Variants in GTF2F2 observed in about 807,000 individuals in gnomAD.
GTF2F2 encodes ATP-dependent helicase GTF2F2.
A neutral mutation model predicts 42.2 loss-of-function variants in GTF2F2; 23 were observed. That is an observed-to-expected ratio of 0.55 (90% CI 0.39 to 0.77). The LOEUF (loss-of-function observed/expected upper bound fraction) is 0.77, where lower values mean the gene tolerates loss of function less well. Ranked by LOEUF, GTF2F2 falls within the 30% of genes least tolerant of loss-of-function variation. The pLI, the probability that GTF2F2 is intolerant of heterozygous loss-of-function variation, is 0.00. For missense variants in GTF2F2, 261 were observed against 287.2 expected (o/e 0.91, Z 0.66); for synonymous variants, 105 against 100.8 (o/e 1.04, Z -0.25).
At chr13:45,178,910 GACT>G (rs1409445077) in intron 4 of GTF2F2, among the ~76,000 whole-genome samples, 1 of 152,174 alleles carries the variant, frequency 6.6e-6, no homozygotes, top group Non-Finnish European at 1.5e-5. Context: ...CAGTGTCCAG[GACT>G]GCTTCACTTA....
At chr13:45,221,301 C>T (rs1874103144) in intron 5 of GTF2F2, among the ~76,000 whole-genome samples, 1 of 152,138 alleles carries the variant, frequency 6.6e-6, no homozygotes, top group Non-Finnish European at 1.5e-5. Flanking sequence ...CAACACAATA[C>T]ACCCTGAATC....
At chr13:45,149,112 A>G (rs1372838196) in intron 2 of GTF2F2, among the ~76,000 whole-genome samples, 1 of 152,068 alleles carries the variant, frequency 6.6e-6, no homozygotes, top group Non-Finnish European at 1.5e-5. Flanking sequence ...ATGTATTAAC[A>G]TGCTACTGAA....
intron 2 of GTF2F2, among the ~76,000 whole-genome samples, chr13:45,140,681 GT>G (rs1056771106): frequency 1.3e-5 from 2 of 151,888 alleles, no homozygotes; most frequent in African/African-American, 2.4e-5. Flanking sequence ...AAATGTACAG[GT>G]TTTTTTTCCC....
chr13:45,207,543 T>G (rs1873468917), intron 5 of GTF2F2, 38 bp downstream of exon 5: 1 of 1,233,674 alleles, frequency 8.1e-7, no homozygotes, highest in East Asian at 2.3e-5. Flanking sequence ...ACCTGATATT[T>G]CCCTTTGGGG....
At chr13:45,137,239 A>AACT (rs1869676832) in intron 2 of GTF2F2, among the ~76,000 whole-genome samples, 1 of 152,180 alleles carries the variant, frequency 6.6e-6, no homozygotes, top group African/African-American at 2.4e-5. Context: ...GAGTATCTAG[A>AACT]AAACAGTGTA....
intron 4 of GTF2F2, among the ~76,000 whole-genome samples, chr13:45,157,211 C>A (rs1486669459): frequency 1.3e-5 from 2 of 152,090 alleles, no homozygotes; most frequent in African/African-American, 4.8e-5. Context: ...GGGAACAAGA[C>A]TGGCATGTTC....
intron 5 of GTF2F2, among the ~76,000 whole-genome samples, chr13:45,251,660 A>G (rs9316126): frequency 0.28 from 42,468 of 151,738 alleles, 6,959 homozygotes; most frequent in African/African-American, 0.44. Flanking sequence ...TGCTGTAACC[A>G]TTGCATCTCA....
chr13:45,168,785 TTCC>T (rs1277153853), intron 4 of GTF2F2, among the ~76,000 whole-genome samples: 1 of 105,196 alleles, frequency 9.5e-6, no homozygotes, highest in African/African-American at 6.0e-5. Flanking sequence ...GCTGGCTTCC[TTCC>T]TTCCTTCCTT....
At chr13:45,139,934 A>C (rs958982489) in intron 2 of GTF2F2, among the ~76,000 whole-genome samples, 14 of 152,214 alleles carry the variant, frequency 9.2e-5, no homozygotes, top group African/African-American at 3.1e-4. Context: ...AAAATGGCAC[A>C]GTATTTACGT....
At chr13:45,165,310 AATATAT>A (rs1157066625) in intron 4 of GTF2F2, among the ~76,000 whole-genome samples, 3 of 141,688 alleles carry the variant, frequency 2.1e-5, no homozygotes, top group East Asian at 2.0e-4. Context: ...TTATATCTAA[AATATAT>A]ATATATATAT....
intron 7 of GTF2F2, among the ~76,000 whole-genome samples, chr13:45,281,703 GAAAA>G (rs1322030382): frequency 6.6e-6 from 1 of 152,202 alleles, no homozygotes; most frequent in Non-Finnish European, 1.5e-5. Flanking sequence ...CCATGCTAGA[GAAAA>G]GCACTACCTT....
At chr13:45,183,195 C>T (rs1252540206) in intron 4 of GTF2F2, among the ~76,000 whole-genome samples, 1 of 151,972 alleles carries the variant, frequency 6.6e-6, no homozygotes, top group Non-Finnish European at 1.5e-5. Context: ...TCTGGGGATC[C>T]CTGTTTCTTC....
In GTF2F2 at chr13:45,237,085, T is replaced by C. The variant is rs190172694; in HGVS notation, c.387-15786T>C. On this transcript the variant is annotated intron_variant, in intron 5 of 7. Coordinates refer to ENST00000340473, the MANE Select transcript of GTF2F2 (RefSeq NM_004128.3). ...GATTTGAGTACCCTAAAAGATTAAATCTAAAAAATATTATACCTAAAGATC... is the reference window on the plus strand; with the variant it reads ...GATTTGAGTACCCTAAAAGATTAAACCTAAAAAATATTATACCTAAAGATC... Among the ~76,000 whole-genome samples, 16 of 152,236 alleles carry C rather than the reference T, an allele frequency of 1.1e-4. 1 individual carries two copies. Among genetic ancestry groups the C allele is most frequent in the African/African-American group, 3.1e-4 (13 of 41,562 alleles).
At chr13:45,220,486 T>TCATATAAGTATTTTCCATACTTATACTAC (rs1874061972) in intron 5 of GTF2F2, among the ~76,000 whole-genome samples, 7 of 152,278 alleles carry the variant, frequency 4.6e-5, no homozygotes, top group Admixed American at 3.3e-4. Flanking sequence ...TCAAACTTCA[T>TCATATAAGTATTTTCCATACTTATACTAC]CATATAAGTA....
chr13:45,128,660 C>T (rs1350069845), intron 1 of GTF2F2, among the ~76,000 whole-genome samples: 3 of 151,726 alleles, frequency 2.0e-5, no homozygotes, highest in Non-Finnish European at 4.4e-5. Flanking sequence ...GGCATGTGAT[C>T]ATGACTCACT....
intron 5 of GTF2F2, among the ~76,000 whole-genome samples, chr13:45,234,739 T>C (rs1169082741): frequency 6.6e-6 from 1 of 152,068 alleles, no homozygotes; most frequent in Non-Finnish European, 1.5e-5. Context: ...AATATGCACT[T>C]TGGGCAGCTT....
At chr13:45,276,177 G>A (rs571772224) in intron 7 of GTF2F2, among the ~76,000 whole-genome samples, 79 of 152,228 alleles carry the variant, frequency 5.2e-4, no homozygotes, top group African/African-American at 1.8e-3. Flanking sequence ...GACTTGTAAC[G>A]CAAGAATATG....
chr13:45,188,205 C>T (rs1333286546), intron 4 of GTF2F2, among the ~76,000 whole-genome samples: 1 of 152,134 alleles, frequency 6.6e-6, no homozygotes, highest in Non-Finnish European at 1.5e-5. Context: ...TGTGCCTGGC[C>T]CCTGCTGATT....
intron 5 of GTF2F2, among the ~76,000 whole-genome samples, chr13:45,208,512 G>T (rs1008606806): frequency 2.0e-5 from 3 of 152,186 alleles, no homozygotes; most frequent in East Asian, 1.9e-4. Context: ...AGAAATAGCT[G>T]TAAACAAAGC....
Sources: allele counts gnomAD v4.1 joint callset (sites outside exome capture counted in the v4.1 genomes callset), GRCh38; gene constraint gnomAD v4.1.1; transcripts MANE v1.5; gene names NCBI Gene and HGNC (gene_info 2026-07-23, HGNC 2026-07-21).